CUX1: variants seen among roughly 807,000 people sequenced by gnomAD.
CUX1 encodes the protein protein CASP.
Under a neutral mutation model 158.8 loss-of-function variants are expected in CUX1, and 31 were observed. The observed-to-expected ratio is 0.20, with a 90% confidence interval of 0.15 to 0.26. CUX1 has a LOEUF of 0.26. Among genes scored for constraint, CUX1 ranks in the 10% least tolerant of loss-of-function variants. CUX1 has a pLI of 1.00. For missense variants in CUX1, 1,589 were observed against 2,014.6 expected, an observed-to-expected ratio of 0.79 and a Z score of 4.04; for synonymous variants, 879 against 862.1, an observed-to-expected ratio of 1.02 and a Z score of -0.34.
chr7:102,215,879 A>G (rs420920), intron 20 of CUX1, among the ~76,000 whole-genome samples: 93,120 of 152,086 alleles, frequency 0.61, 28,976 homozygotes, highest in East Asian at 0.94. Flanking sequence ...GGAGGAGGAC[A>G]GGCTGCTCTC....
At chr7:102,280,658 C>A (rs1367616337) in intron 19 of CUX1, 3 of 698,198 alleles carry the variant, frequency 4.3e-6, no homozygotes, top group Non-Finnish European at 7.4e-6. Context: ...CCCAGGGAAG[C>A]CCCTGGCAGC....
intron 2 of CUX1, among the ~76,000 whole-genome samples, chr7:101,971,207 C>T (rs1232717449): frequency 6.6e-6 from 1 of 152,214 alleles, no homozygotes. Flanking sequence ...TACAGCCATG[C>T]CCTTGACACT....
At chr7:101,974,221 G>A (rs1399581050) in intron 2 of CUX1, among the ~76,000 whole-genome samples, 1 of 151,840 alleles carries the variant, frequency 6.6e-6, no homozygotes, top group African/African-American at 2.4e-5. Flanking sequence ...TAAAAATTAA[G>A]AATCAGACCC....
At chr7:102,109,111 G>A (rs931489920) in intron 6 of CUX1, among the ~76,000 whole-genome samples, 19 of 152,092 alleles carry the variant, frequency 1.2e-4, no homozygotes, top group Admixed American at 3.3e-4. Context: ...CATACTGGAA[G>A]AAAACTGGGG....
intron 5 of CUX1, among the ~76,000 whole-genome samples, chr7:102,099,824 T>C (rs1829599814): frequency 6.6e-6 from 1 of 152,138 alleles, no homozygotes; most frequent in Non-Finnish European, 1.5e-5. Flanking sequence ...TGTCCTTCCC[T>C]TCTCCTTCTA....
At chr7:101,958,408 A>C (rs1810023931) in intron 2 of CUX1, among the ~76,000 whole-genome samples, 1 of 151,314 alleles carries the variant, frequency 6.6e-6, no homozygotes, top group Non-Finnish European at 1.5e-5. Flanking sequence ...GAGAATATTT[A>C]GGAGATGGAA....
chr7:102,169,561 G>C (rs1239352181), intron 9 of CUX1, among the ~76,000 whole-genome samples: 1 of 152,220 alleles, frequency 6.6e-6, no homozygotes, highest in Non-Finnish European at 1.5e-5. Context: ...CCTGAGTTGT[G>C]TGTCCTGGGC....
intron 4 of CUX1, among the ~76,000 whole-genome samples, chr7:102,085,278 T>C (rs1827842162): frequency 1.3e-5 from 2 of 152,238 alleles, no homozygotes; most frequent in African/African-American, 2.4e-5. Context: ...TAAAATTTGC[T>C]GGATTCAATT....
At chr7:101,930,881 G>T (rs1385831644) in intron 2 of CUX1, among the ~76,000 whole-genome samples, 3 of 152,204 alleles carry the variant, frequency 2.0e-5, no homozygotes, top group Admixed American at 2.0e-4. Flanking sequence ...CGGGTCACTT[G>T]AGGCTGGGAG....
intron 2 of CUX1, among the ~76,000 whole-genome samples, chr7:102,011,474 C>G (rs2129296788): frequency 6.6e-6 from 1 of 152,082 alleles, no homozygotes; most frequent in Non-Finnish European, 1.5e-5. Flanking sequence ...ATTTTTCCTC[C>G]CAGGTTCAAG....
intron 1 of CUX1, among the ~76,000 whole-genome samples, chr7:101,901,455 G>T (rs956583827): frequency 6.6e-6 from 1 of 151,830 alleles, no homozygotes; most frequent in East Asian, 1.9e-4. Context: ...CACCACGCCC[G>T]GCTATTTTTT....
chr7:101,841,552 A>AT (rs1289583297), intron 1 of CUX1, among the ~76,000 whole-genome samples: 1 of 146,644 alleles, frequency 6.8e-6, no homozygotes, highest in Non-Finnish European at 1.5e-5. Context: ...ATTTCATTTT[A>AT]TTTATTTATT....
intron 6 of CUX1, among the ~76,000 whole-genome samples, chr7:102,109,189 A>G (rs895817355): frequency 1.3e-5 from 2 of 152,194 alleles, no homozygotes; most frequent in South Asian, 2.1e-4. Flanking sequence ...AAATAATAAC[A>G]TTTTAAAAAC....
rs1436520170 is a variant in CUX1, at chr7:102,204,787, T to G, written c.3073+231T>G. On this transcript the variant is annotated intron_variant, in intron 19 of 23. Transcript: ENST00000292535. ...TAGGAGAGATCATGCCTGTCTAATT[T>G]TATAAGCAGCAGAAAATGAGTTACC... 4.6e-5 allele frequency among the ~76,000 whole-genome samples: 7 copies of G among 152,354 alleles called. No individual in the cohort carries two copies. In the East Asian group the frequency reaches 1.2e-3, roughly 25 times the overall value.
Position 102,111,712 on chromosome 7 carries a change from C to A in CUX1, c.545C>A (p.Thr182Lys), listed in dbSNP as rs1830905963. 3 of 1,614,186 alleles carry A rather than the reference C, an allele frequency of 1.9e-6. No individual in the cohort carries two copies. The highest frequency in any genetic ancestry group is 2.5e-6 in the Non-Finnish European group (3 of 1,180,016). Reference protein sequence around the residue: ...FAEKERKLQETQMSTTSKLEE... With the variant: ...FAEKERKLQEKQMSTTSKLEE... ...TTCCTTTGCAGAAAGCTGCAGGAGA[C>A]ACAGATGTCCACCACCTCAAAGCTG... Residue 182 changes from threonine (T) to lysine (K), a missense_variant, in exon 7 of 24, where the codon ACA (threonine) becomes AAA (lysine). Around this residue, in one of 8 missense-constraint regions of CUX1, gnomAD observed 515 missense variants for 574.4 expected, o/e 0.90. Transcript: ENST00000292535.
chr7:102,256,219 C>T lies in CUX1; in HGVS notation c.*7177C>T. On this transcript the variant is annotated 3_prime_UTR_variant, in exon 24 of 24. Coordinates refer to ENST00000292535, the MANE Select transcript of CUX1 (RefSeq NM_181552.4). ...CCCCAGTGTCTGAGGCCACAGCCAT[C>T]CCTTCCAGCACTTAATCTTGTCTTG... is the stretch of plus-strand genomic sequence containing the variant. 1.0e-6 allele frequency: 1 copy of T among 985,472 alleles called. No homozygotes were observed. The highest frequency in any genetic ancestry group is 6.1e-5 in the Admixed American group (1 of 16,286). 61.0% of individuals were successfully genotyped at this position (985,472 alleles called of 1,614,324 possible). A position where few individuals can be genotyped will look rare whatever the true frequency, so the allele number is the denominator to read the frequency against.
intron 2 of CUX1, among the ~76,000 whole-genome samples, chr7:101,978,905 G>T (rs1486602104): frequency 6.6e-6 from 1 of 152,170 alleles, no homozygotes; most frequent in Non-Finnish European, 1.5e-5. Context: ...CACGGCGTAC[G>T]TCCAGCCCCA....
rs115191516 is a variant in CUX1 at position 101,901,218 on chromosome 7, G to C, written c.31-14897G>C. On this transcript the variant is annotated intron_variant, in intron 1 of 23. Coordinates refer to ENST00000292535, the MANE Select transcript of CUX1 (RefSeq NM_181552.4). ...GGGTAGGGCGGGCCCAGCTCTGGAA[G>C]AAACAGGGCTATACAAAAAATCACC... is the stretch of plus-strand genomic sequence containing the variant. Among the ~76,000 whole-genome samples, 881 of 152,198 alleles carry C rather than the reference G, an allele frequency of 5.8e-3. 10 individuals are homozygous for C. Among genetic ancestry groups the C allele is most frequent in the African/African-American group, 0.02 (848 of 41,548 alleles).
At chr7:102,028,038 A>G in intron 2 of CUX1, 60 bp from the exon 3 acceptor site, 1 of 1,590,526 alleles carries the variant, frequency 6.3e-7, no homozygotes, top group Non-Finnish European at 8.6e-7. Context: ...GCCTTAACCA[A>G]TGTTTCCCTT....
Sources: allele counts gnomAD v4.1 joint callset (sites outside exome capture counted in the v4.1 genomes callset), GRCh38; gene constraint gnomAD v4.1.1; regional missense constraint gnomAD v4.1.1; transcripts MANE v1.5; gene names NCBI Gene and HGNC (gene_info 2026-07-23, HGNC 2026-07-21).